PRELID2: variants seen among roughly 807,000 people sequenced by gnomAD.
The protein encoded by PRELID2 is PRELI domain containing 2.
In PRELID2, 25 loss-of-function variants were observed where a neutral mutation model predicts 28.4. The ratio of observed to expected loss-of-function variants is 0.88; its 90% CI spans 0.64 to 1.23. The LOEUF is 1.23. PRELID2 is among the 50% of genes most tolerant of loss of function. The pLI, the probability that PRELID2 is intolerant of heterozygous loss-of-function variation, is 0.00. For synonymous variants in PRELID2, 76 were observed against 71.6 expected (o/e 1.06, Z -0.31); for missense variants, 201 against 214.4 (o/e 0.94, Z 0.39).
the PRELID2 span, among the ~76,000 whole-genome samples, chr5:145,239,973 G>A: frequency 1.6e-4 from 24 of 152,120 alleles, no homozygotes; most frequent in Middle Eastern, 3.4e-3. Context: ...AAAGCATATC[G>A]TTGAATGCTG....
the PRELID2 span, among the ~76,000 whole-genome samples, chr5:145,268,185 TGTAGA>T: frequency 6.6e-6 from 1 of 152,200 alleles, no homozygotes; most frequent in East Asian, 1.9e-4. Context: ...TGCCTGTACT[TGTAGA>T]GTATTACTCA....
At chr5:145,587,817 A>T (rs757580216) in intron 1 of PRELID2, among the ~76,000 whole-genome samples, 9 of 152,170 alleles carry the variant, frequency 5.9e-5, no homozygotes, top group Non-Finnish European at 1.3e-4. Flanking sequence ...TGGATGACTC[A>T]GCTACTCCCA....
chr5:145,269,967 A>G, the PRELID2 span, among the ~76,000 whole-genome samples: 1 of 150,964 alleles, frequency 6.6e-6, no homozygotes, highest in African/African-American at 2.4e-5. Context: ...AAAAGAAGAC[A>G]TAAATGGCTT....
the PRELID2 span, among the ~76,000 whole-genome samples, chr5:145,277,759 A>C: frequency 6.6e-6 from 1 of 152,100 alleles, no homozygotes; most frequent in Non-Finnish European, 1.5e-5. Context: ...GCATCCAAAA[A>C]CTGGCAACAG....
intron 1 of PRELID2, among the ~76,000 whole-genome samples, chr5:145,511,136 T>G (rs1392857990): frequency 6.6e-6 from 1 of 152,190 alleles, no homozygotes; most frequent in Non-Finnish European, 1.5e-5. Flanking sequence ...GAAATCCAGT[T>G]CAGTGAAAGC....
chr5:145,731,380 A>G (rs1231466604), intron 1 of PRELID2, among the ~76,000 whole-genome samples: 3 of 152,206 alleles, frequency 2.0e-5, no homozygotes, highest in African/African-American at 7.2e-5. Context: ...CAGGGAATCC[A>G]GTGAGTCCAA....
At chr5:145,395,300 A>G in the PRELID2 span, among the ~76,000 whole-genome samples, 1 of 152,158 alleles carries the variant, frequency 6.6e-6, no homozygotes, top group East Asian at 1.9e-4. Context: ...AACGACAGGA[A>G]TTGCCTGCAG....
chr5:145,796,400 T>A (rs760231267), intron 5 of PRELID2, 42 bp downstream of exon 5: 3 of 1,379,962 alleles, frequency 2.2e-6, no homozygotes, highest in Non-Finnish European at 3.1e-6. Flanking sequence ...ACTCCTATTG[T>A]TTTTTAAAAT....
chr5:145,578,346 C>A (rs1580983017), intron 1 of PRELID2, among the ~76,000 whole-genome samples: 1 of 152,238 alleles, frequency 6.6e-6, no homozygotes, highest in East Asian at 1.9e-4. Context: ...TTTAAAATAA[C>A]TTAGTAGAGC....
intron 1 of PRELID2, among the ~76,000 whole-genome samples, chr5:145,740,869 GATAA>G (rs1167157712): frequency 3.1e-5 from 1 of 32,126 alleles, no homozygotes; most frequent in African/African-American, 1.5e-4. Context: ...TATATTTATC[GATAA>G]ATATATATGT....
intron 2 of PRELID2, among the ~76,000 whole-genome samples, chr5:145,821,853 C>T (rs1373466220): frequency 6.6e-6 from 1 of 152,174 alleles, no homozygotes; most frequent in Non-Finnish European, 1.5e-5. Context: ...AACCTAAAAA[C>T]AAGATTATTT....
rs79557693 is a variant in PRELID2, at chr5:145,595,583, C to G, written n.71-122268G>C. 1.4e-4 allele frequency among the ~76,000 whole-genome samples: 21 copies of G among 152,142 alleles called. No individual in the cohort carries two copies. In the East Asian group the frequency reaches 4.1e-3, roughly 29 times the overall value. On this transcript the variant is annotated intron_variant and non_coding_transcript_variant, in intron 1 of 2. Transcript: ENST00000510259. ...GTCAGTATTGTAGTGTATGCCATAC[C>G]CTGGTCGTTAATGAATTCCATGTCT...
At chr5:145,337,885 G>A in the PRELID2 span, 2 of 150,940 alleles carry the variant, frequency 1.3e-5, no homozygotes, top group Non-Finnish European at 3.0e-5. Flanking sequence ...CACCAACCTG[G>A]AAGCTTCCCA....
the PRELID2 span, among the ~76,000 whole-genome samples, chr5:145,269,339 T>G: frequency 1.3e-5 from 2 of 152,122 alleles, no homozygotes; most frequent in South Asian, 4.1e-4. Flanking sequence ...AGAAATCAAT[T>G]AAGACATATG....
intron 1 of PRELID2, among the ~76,000 whole-genome samples, chr5:145,508,080 A>C (rs961617337): frequency 3.9e-5 from 6 of 152,180 alleles, no homozygotes; most frequent in African/African-American, 1.4e-4. Flanking sequence ...GTAGTTTAAT[A>C]ATGCTTTTGT....
At chr5:145,500,763 G>A (rs1271756802) in intron 1 of PRELID2, among the ~76,000 whole-genome samples, 1 of 152,166 alleles carries the variant, frequency 6.6e-6, no homozygotes, top group African/African-American at 2.4e-5. Flanking sequence ...AAGTTTAGAA[G>A]TCCAAGAAGG....
the PRELID2 span, among the ~76,000 whole-genome samples, chr5:145,371,573 T>C: frequency 6.6e-6 from 1 of 151,952 alleles, no homozygotes; most frequent in Admixed American, 6.6e-5. Flanking sequence ...TAAAATTTTC[T>C]TTTTTTGTTA....
At chr5:145,740,808 T>C (rs1427149281) in intron 1 of PRELID2, among the ~76,000 whole-genome samples, 11 of 115,730 alleles carry the variant, frequency 9.5e-5, no homozygotes, top group African/African-American at 1.0e-4. Context: ...TATATGTATA[T>C]ACATTATACA....
At chr5:145,321,978 A>G in the PRELID2 span, among the ~76,000 whole-genome samples, 3 of 152,162 alleles carry the variant, frequency 2.0e-5, no homozygotes, top group Non-Finnish European at 4.4e-5. Flanking sequence ...GTTGAGATTT[A>G]TTTTGATCGA....
Sources: gnomAD v4.1 joint callset for allele counts (sites outside exome capture counted in the v4.1 genomes callset) on GRCh38, gnomAD v4.1.1 for gene constraint, MANE v1.5 for transcripts, NCBI Gene and HGNC (gene_info 2026-07-23, HGNC 2026-07-21) for gene names.